Variants in PLEKHA8 observed in about 807,000 individuals in gnomAD.
PLEKHA8 encodes pleckstrin homology domain-containing family A member 8.
PLEKHA8 carries 36 observed loss-of-function variants against 68.2 expected under a neutral mutation model. That is an observed-to-expected ratio of 0.53 (90% CI 0.40 to 0.70). The LOEUF (loss-of-function observed/expected upper bound fraction) is 0.70. PLEKHA8 is among the 30% of genes least tolerant of loss of function. PLEKHA8 has a pLI of 0.00. For synonymous variants in PLEKHA8, 211 were observed against 216.1 expected (o/e 0.98, Z 0.20); for missense variants, 505 against 615.4 (o/e 0.82, Z 1.90).
intron 13 of PLEKHA8, among the ~76,000 whole-genome samples, chr7:30,119,223 A>G (rs1796655881): frequency 6.6e-6 from 1 of 152,228 alleles, no homozygotes; most frequent in Non-Finnish European, 1.5e-5. Context: ...TAATATTCCT[A>G]ATTTTAAGTG....
In PLEKHA8 at chr7:30,082,255, T is replaced by C. The variant is rs1385923049; in HGVS notation, c.*3468T>C. 5.1e-6 allele frequency: 5 copies of C among 985,368 alleles called. No homozygotes were observed. In the African/African-American group the frequency reaches 5.2e-5, roughly 10 times the overall value. The allele number at this position is 985,368 out of a possible 1,614,324, so 61.0% of individuals were successfully genotyped here. On this transcript the variant is annotated 3_prime_UTR_variant, in exon 14 of 14. Coordinates refer to ENST00000449726, the MANE Select transcript of PLEKHA8 (RefSeq NM_001197026.2). ...GATTTCTGAACTCCATAGTCCAGCGTTGTTGCTTTTCTCTCTTCTTTGCTA... is the reference window on the plus strand; with the variant it reads ...GATTTCTGAACTCCATAGTCCAGCGCTGTTGCTTTTCTCTCTTCTTTGCTA...
chr7:30,111,720 AG>A (rs1353887427), intron 13 of PLEKHA8, among the ~76,000 whole-genome samples: 3 of 151,884 alleles, frequency 2.0e-5, no homozygotes, highest in African/African-American at 7.3e-5. Flanking sequence ...CTCAGGCTCA[AG>A]CAGTCCTCCC....
chr7:30,045,603 A>C (rs1027860616), intron 2 of PLEKHA8, among the ~76,000 whole-genome samples: 3 of 152,218 alleles, frequency 2.0e-5, no homozygotes, highest in Non-Finnish European at 4.4e-5. Flanking sequence ...CAGACTTTCA[A>C]ATAGTCTTTA....
intron 13 of PLEKHA8, among the ~76,000 whole-genome samples, chr7:30,109,673 C>CT (rs543389360): frequency 0.019 from 1,948 of 102,056 alleles, 17 homozygotes; most frequent in Non-Finnish European, 0.029. Flanking sequence ...TTTTCTTTTT[C>CT]TTTTTTTTTT....
intron 9 of PLEKHA8, among the ~76,000 whole-genome samples, chr7:30,057,285 T>C (rs1397031455): frequency 6.6e-6 from 1 of 152,186 alleles, no homozygotes; most frequent in Non-Finnish European, 1.5e-5. Flanking sequence ...TGGAATATTA[T>C]ACTTTTTTGC....
chr7:30,064,761 A>G (rs1793702418), intron 12 of PLEKHA8, among the ~76,000 whole-genome samples: 1 of 152,222 alleles, frequency 6.6e-6, no homozygotes, highest in Non-Finnish European at 1.5e-5. Flanking sequence ...ACTTATTAGT[A>G]TGGAATTTTC....
At chr7:30,104,028 A>T (rs1295550604) in intron 13 of PLEKHA8, among the ~76,000 whole-genome samples, 2 of 152,354 alleles carry the variant, frequency 1.3e-5, no homozygotes, top group African/African-American at 2.4e-5. Context: ...CAAATTATTT[A>T]AAAAATGCAC....
Position 30,039,037 on chromosome 7 carries a change from G to C in PLEKHA8, c.41-6048G>C, listed in dbSNP as rs1400762792. The stretch of plus-strand genomic sequence containing the variant: ...CGTGTTGTTCAACATTAATTGAACT[G>C]AAAAGTCCTTTGGCTAAGATTTTTT... On this transcript the variant is annotated intron_variant, in intron 1 of 13. Coordinates refer to ENST00000449726, the MANE Select transcript of PLEKHA8 (RefSeq NM_001197026.2). Among the ~76,000 whole-genome samples the C allele has an allele frequency of 2.6e-5, 4 of 152,162 alleles. No individual in the cohort carries two copies. In the East Asian group the frequency reaches 7.7e-4, roughly 29 times the overall value.
intron 13 of PLEKHA8, among the ~76,000 whole-genome samples, chr7:30,115,569 T>A (rs532761549): frequency 0.015 from 743 of 50,772 alleles, 9 homozygotes; most frequent in African/African-American, 0.029. Flanking sequence ...TAGACATATG[T>A]ATACATGCAC....
chr7:30,036,209 G>A (rs951102776), intron 1 of PLEKHA8, among the ~76,000 whole-genome samples: 2 of 151,904 alleles, frequency 1.3e-5, no homozygotes, highest in African/African-American at 4.8e-5. Context: ...TGAGCTAAGG[G>A]GTTGCAGTGA....
intron 13 of PLEKHA8, among the ~76,000 whole-genome samples, chr7:30,110,908 TTG>T (rs935983556): frequency 7.3e-5 from 11 of 151,450 alleles, no homozygotes; most frequent in African/African-American, 2.4e-4. Context: ...TATTTTGAGG[TTG>T]TTTTTTTTTT....
chr7:30,072,494 G>A (rs1002708967), intron 12 of PLEKHA8, among the ~76,000 whole-genome samples: 1 of 152,240 alleles, frequency 6.6e-6, no homozygotes, highest in Non-Finnish European at 1.5e-5. Flanking sequence ...GGCTTGAGTT[G>A]ATTGTAAACT....
At position 30,074,119 on chromosome 7, in the gene PLEKHA8, G is replaced by A. The variant is rs1364681143; in HGVS notation, c.1349G>A (p.Arg450Gln). 6 of 1,613,034 alleles carry A rather than the reference G, an allele frequency of 3.7e-6. No homozygotes were observed. The highest frequency in any genetic ancestry group is 2.7e-5 in the African/African-American group (2 of 74,832). Residue 450 changes from arginine to glutamine, a missense_variant, in exon 13 of 14, where the codon CGA becomes CAA. Transcript: ENST00000449726. ...TLRQHHGWVVRGVFALALRAA... is the reference protein window; with the variant it reads ...TLRQHHGWVVQGVFALALRAA... ...CGGCAACACCATGGCTGGGTAGTTC[G>A]AGGGGTTTTTGCGGTAAGTGATCCT...
chr7:30,109,660 CCTTTTT>C (rs1796203230), intron 13 of PLEKHA8, among the ~76,000 whole-genome samples: 1 of 142,742 alleles, frequency 7.0e-6, no homozygotes, highest in African/African-American at 2.5e-5. Flanking sequence ...TTCAGATTTT[CCTTTTT>C]CTTTTTCTTT....
chr7:30,056,312 CTATA>C lies in PLEKHA8; in HGVS notation c.1039+987_1039+990del, dbSNP rs1554385029. On this transcript the variant is annotated intron_variant, in intron 9 of 13. Coordinates refer to ENST00000449726, the MANE Select transcript of PLEKHA8 (RefSeq NM_001197026.2). ...TCTCTCTCTCTCTCTCTCTCTCTCT[CTATA>C]TATATATATATATATAAATAACATA... Among the ~76,000 whole-genome samples, 471 of 94,554 alleles carry C rather than the reference CTATA, an allele frequency of 5.0e-3. 5 individuals carry two copies. Among genetic ancestry groups the C allele is most frequent in the Non-Finnish European group, 6.4e-3 (301 of 47,286 alleles). The allele number at this position is 94,554 out of a possible 152,430, so 62.0% of individuals were successfully genotyped here.
In PLEKHA8 at chr7:30,054,728, G is replaced by C; in HGVS notation, c.816G>C (p.Lys272Asn). 1 of 1,593,914 alleles carries C rather than the reference G, an allele frequency of 6.3e-7. No individual in the cohort carries two copies. Among genetic ancestry groups the C allele is most frequent in the Non-Finnish European group, 8.6e-7 (1 of 1,167,270 alleles). ...TTGCAGTCCAAGGTGAAATAAGGAAGGAAGATGGAATGGAAAACCTGAAAA... is the reference window on the plus strand; with the variant it reads ...TTGCAGTCCAAGGTGAAATAAGGAACGAAGATGGAATGGAAAACCTGAAAA... ...DNITVQGEIR[K>N]EDGMENLKNH... is the part of the protein sequence containing the mutation. The change falls in exon 8 of 14, where the codon AAG (lysine) becomes AAC (asparagine). Residue 272 changes from lysine (K) to asparagine (N), a missense_variant. Physicochemically the swap from Lys to Asn is moderately conservative, Grantham distance 94. Coordinates refer to ENST00000449726, the MANE Select transcript of PLEKHA8 (RefSeq NM_001197026.2).
intron 13 of PLEKHA8, among the ~76,000 whole-genome samples, chr7:30,113,234 A>T (rs919879128): frequency 9.9e-5 from 15 of 152,140 alleles, no homozygotes; most frequent in Admixed American, 2.0e-4. Context: ...CTGGAAGTAA[A>T]ATGTTCCCAT....
At chr7:30,129,258 TG>T (rs751118677) in intron 13 of PLEKHA8, 1 of 1,612,880 alleles carries the variant, frequency 6.2e-7, no homozygotes, top group South Asian at 1.1e-5. Context: ...TCTTTTATCC[TG>T]GTGTAGGTGT....
Position 30,084,408 on chromosome 7 carries a change from G to A in PLEKHA8, c.*5621G>A. The A allele has an allele frequency of 1.0e-6, 1 of 985,376 alleles. No individual in the cohort carries two copies. The highest frequency in any genetic ancestry group is 1.2e-6 in the Non-Finnish European group (1 of 829,924). The allele number at this position is 985,376 out of a possible 1,614,324, so 61.0% of individuals were successfully genotyped here. A position where few individuals can be genotyped will look rare whatever the true frequency, so the allele number is the denominator to read the frequency against. ...GCAAGTTAAACTATAAAAGTGTCAA[G>A]TGGCTTGTTAACTTCTTAATTTAAT... On this transcript the variant is annotated 3_prime_UTR_variant, in exon 14 of 14. Coordinates refer to ENST00000449726, the MANE Select transcript of PLEKHA8 (RefSeq NM_001197026.2).
Sources: allele counts gnomAD v4.1 joint callset (sites outside exome capture counted in the v4.1 genomes callset), GRCh38; gene constraint gnomAD v4.1.1; transcripts MANE v1.5; gene names NCBI Gene and HGNC (gene_info 2026-07-23, HGNC 2026-07-21).